The following LRP1B variants were observed in gnomAD, a reference collection of about 807,000 sequenced individuals.
LRP1B encodes the protein LDL receptor related protein 1B.
In LRP1B, 217 loss-of-function variants were observed where a neutral mutation model predicts 556.6. That is an observed-to-expected ratio of 0.39 (90% CI 0.35 to 0.44). The LOEUF (loss-of-function observed/expected upper bound fraction) is 0.44, where lower values mean the gene tolerates loss of function less well. Among genes scored for constraint, LRP1B ranks in the 20% least tolerant of loss-of-function variants. The pLI, the probability that LRP1B is intolerant of heterozygous loss-of-function variation, is 1.00. For missense variants in LRP1B, 5,053 were observed against 5,620.8 expected, an observed-to-expected ratio of 0.90 and a Z score of 3.23; for synonymous variants, 2,047 against 1,865.8, an observed-to-expected ratio of 1.10 and a Z score of -2.50.
intron 3 of LRP1B, among the ~76,000 whole-genome samples, chr2:141,262,792 G>T (rs1684746421): frequency 6.6e-6 from 1 of 151,904 alleles, no homozygotes; most frequent in Admixed American, 6.6e-5. Flanking sequence ...TATAAATTAT[G>T]CTATTTTGAT....
At chr2:141,600,803 T>C (rs1687706056) in intron 2 of LRP1B, among the ~76,000 whole-genome samples, 2 of 152,208 alleles carry the variant, frequency 1.3e-5, no homozygotes, top group African/African-American at 4.8e-5. Context: ...GCCTACAAGA[T>C]TCTGAGACAC....
intron 2 of LRP1B, among the ~76,000 whole-genome samples, chr2:141,693,707 C>T (rs765491283): frequency 6.6e-6 from 1 of 151,938 alleles, no homozygotes; most frequent in Non-Finnish European, 1.5e-5. Flanking sequence ...TTATTTAGTC[C>T]TTCCCTATTT....
intron 2 of LRP1B, among the ~76,000 whole-genome samples, chr2:141,569,280 G>A (rs555484648): frequency 2.6e-4 from 39 of 151,010 alleles, no homozygotes; most frequent in African/African-American, 8.4e-4. Context: ...GTTAAGAGAT[G>A]GGGGTTAGGA....
intron 1 of LRP1B, among the ~76,000 whole-genome samples, chr2:142,011,208 A>C (rs1025214137): frequency 6.6e-6 from 1 of 152,192 alleles, no homozygotes; most frequent in Non-Finnish European, 1.5e-5. Context: ...CTTCAATTTT[A>C]TATCTCTGAT....
intron 35 of LRP1B, among the ~76,000 whole-genome samples, chr2:140,765,632 C>CT (rs1007624083): frequency 1.3e-5 from 2 of 152,008 alleles, no homozygotes; most frequent in Admixed American, 6.6e-5. Flanking sequence ...GCCACAGGGT[C>CT]TTTTTTTCTT....
At chr2:140,517,457 G>A (rs1457659458) in intron 49 of LRP1B, among the ~76,000 whole-genome samples, 1 of 152,046 alleles carries the variant, frequency 6.6e-6, no homozygotes, top group African/African-American at 2.4e-5. Flanking sequence ...TGCTGGAAAA[G>A]TGTGAATCTA....
At chr2:141,299,552 A>C (rs79936308) in intron 3 of LRP1B, among the ~76,000 whole-genome samples, 2,352 of 152,304 alleles carry the variant, frequency 0.015, 56 homozygotes, top group African/African-American at 0.053. Context: ...CCATTTAGTC[A>C]TGAATTTAGT....
At chr2:140,765,343 A>G (rs1197592012) in intron 35 of LRP1B, among the ~76,000 whole-genome samples, 2 of 152,166 alleles carry the variant, frequency 1.3e-5, no homozygotes, top group Non-Finnish European at 2.9e-5. Context: ...TTGTTTCATT[A>G]TTAAGGAGAA....
At chr2:140,954,338 G>A (rs1428661671) in intron 18 of LRP1B, among the ~76,000 whole-genome samples, 2 of 151,896 alleles carry the variant, frequency 1.3e-5, no homozygotes, top group African/African-American at 2.4e-5. Context: ...GTTCAAATGA[G>A]TAAACAATAA....
At chr2:140,912,458 A>T (rs1174340176) in intron 21 of LRP1B, among the ~76,000 whole-genome samples, 1 of 151,676 alleles carries the variant, frequency 6.6e-6, no homozygotes, top group Non-Finnish European at 1.5e-5. Context: ...CAATAGATAG[A>T]ATATCCAAAA....
intron 42 of LRP1B, 145 bp downstream of exon 42, chr2:140,601,305 C>T: frequency 1.5e-6 from 1 of 675,722 alleles, no homozygotes; most frequent in Non-Finnish European, 2.2e-6. Context: ...AATGCTCTTA[C>T]ATAAAAAAAA....
intron 2 of LRP1B, among the ~76,000 whole-genome samples, chr2:141,480,925 G>C (rs2105091401): frequency 6.6e-6 from 1 of 152,236 alleles, no homozygotes; most frequent in East Asian, 1.9e-4. Context: ...GTTCTCCGCA[G>C]ATCTCTTGTT....
At chr2:141,869,993 A>G (rs1353892698) in intron 1 of LRP1B, among the ~76,000 whole-genome samples, 1 of 151,962 alleles carries the variant, frequency 6.6e-6, no homozygotes, top group Non-Finnish European at 1.5e-5. Context: ...AAGGATCACA[A>G]TTTTTTTCCT....
intron 37 of LRP1B, among the ~76,000 whole-genome samples, chr2:140,707,275 G>T (rs897824309): frequency 1.3e-5 from 2 of 152,106 alleles, no homozygotes; most frequent in Non-Finnish European, 2.9e-5. Flanking sequence ...TGCTGGCACA[G>T]AAATGAAGAT....
At chr2:141,783,195 C>A (rs1290807833) in intron 2 of LRP1B, among the ~76,000 whole-genome samples, 1 of 152,018 alleles carries the variant, frequency 6.6e-6, no homozygotes. Context: ...GTATCCCCAG[C>A]CACCCATTAG....
chr2:141,235,695 T>G lies in LRP1B; in HGVS notation c.593-6255A>C, dbSNP rs146816245. On this transcript the variant is annotated intron_variant, in intron 5 of 90. Coordinates refer to ENST00000389484, the MANE Select transcript of LRP1B (RefSeq NM_018557.3). Reference sequence around the variant, plus strand: ...TGGTGGAGTATTTCACTAATAATAGTTAATGTTTTCCGAGCATATTTTAGG... The same window carrying G: ...TGGTGGAGTATTTCACTAATAATAGGTAATGTTTTCCGAGCATATTTTAGG... Among the ~76,000 whole-genome samples the G allele has an allele frequency of 5.9e-3, 891 of 152,280 alleles. 1 individual carries two copies. The highest frequency in any genetic ancestry group is 9.9e-3 in the Non-Finnish European group (675 of 68,004).
chr2:140,246,996 A>G (rs1429936144), intron 87 of LRP1B, 90 bp downstream of exon 87: 7 of 873,852 alleles, frequency 8.0e-6, no homozygotes, highest in Middle Eastern at 2.3e-4. Context: ...CCATGAAGAA[A>G]GTGTTCTAAG....
rs765599602 is a variant in LRP1B, at chr2:140,541,110, A to C, written c.7388-12T>G. On this transcript the variant is annotated splice_polypyrimidine_tract_variant and intron_variant, in intron 44 of 90. Transcript: ENST00000389484. Reference sequence around the variant, plus strand: ...TGGAGAAAGTTCACCTACAATAAAGAGGGTGTATTGGTAACATTTTATATC... The same window carrying C: ...TGGAGAAAGTTCACCTACAATAAAGCGGGTGTATTGGTAACATTTTATATC... The C allele has an allele frequency of 1.2e-6, 2 of 1,600,540 alleles. No homozygotes were observed. Among genetic ancestry groups the C allele is most frequent in the African/African-American group, 1.3e-5 (1 of 74,530 alleles).
chr2:141,593,795 A>T (rs987876371), intron 2 of LRP1B, among the ~76,000 whole-genome samples: 1 of 152,122 alleles, frequency 6.6e-6, no homozygotes, highest in African/African-American at 2.4e-5. Context: ...AAATAGAAGA[A>T]AACAGTCACT....
Sources: gnomAD v4.1 joint callset for allele counts (sites outside exome capture counted in the v4.1 genomes callset) on GRCh38, gnomAD v4.1.1 for gene constraint, MANE v1.5 for transcripts, NCBI Gene and HGNC (gene_info 2026-07-23, HGNC 2026-07-21) for gene names.